The following TMEM107 variants were observed in gnomAD, a reference collection of about 807,000 sequenced individuals.
The protein encoded by TMEM107 is transmembrane protein 107.
TMEM107 carries 18 observed loss-of-function variants against 16.8 expected under a neutral mutation model. The observed-to-expected ratio is 1.07, with a 90% CI of 0.74 to 1.59. TMEM107 has a LOEUF of 1.59. Among genes scored for constraint, TMEM107 ranks in the 40% most tolerant of loss-of-function variants. The probability of loss-of-function intolerance (pLI) is 0.00; values close to 1 mark genes in which losing one functional copy is unlikely to be tolerated. For synonymous variants in TMEM107, 68 were observed against 71.6 expected (o/e 0.95, Z 0.25); for missense variants, 152 against 175.4 (o/e 0.87, Z 0.75).
rs370687535 is a variant in TMEM107 at position 8,172,700 on chromosome 17, AAAC to A, written c.*1500_*1502del. Among the ~76,000 whole-genome samples, 138 of 151,752 alleles carry A rather than the reference AAAC, an allele frequency of 9.1e-4. No individual in the cohort carries two copies. Among genetic ancestry groups the A allele is most frequent in the African/African-American group, 3.1e-3 (128 of 41,362 alleles). On this transcript the variant is annotated 3_prime_UTR_variant, in exon 5 of 5. Transcript: ENST00000437139. ...ACCCTGTCTCTATAGAAAAATTTTA[AAAC>A]AACCAGGTGTGGTGGTGCTCACCTG...
At chr17:8,175,242 T>G (rs1296054216) in intron 3 of TMEM107, 2 of 209,988 alleles carry the variant, frequency 9.5e-6, no homozygotes, top group East Asian at 2.4e-4. Flanking sequence ...ATTTTTGTAT[T>G]TTTAGTAGAG....
rs1555525283 is a variant in TMEM107, at chr17:8,172,869, A to AC, written c.*1333_*1334insG. 2.5e-4 allele frequency among the ~76,000 whole-genome samples: 37 copies of AC among 148,388 alleles called. 2 individuals are homozygous for AC. The highest frequency in any genetic ancestry group is 7.4e-4 in the African/African-American group (30 of 40,662). ...TGAGACTGTCTCAAAAAAAAAAAAA[A>AC]AAAAAACCAAAAGAGGGGGGTGGTC... is the stretch of plus-strand genomic sequence containing the variant. On this transcript the variant is annotated 3_prime_UTR_variant, in exon 5 of 5. Transcript: ENST00000437139.
Position 8,173,187 on chromosome 17 carries a change from C to T in TMEM107, c.*1016G>A, listed in dbSNP as rs550443861. 494 of 374,546 alleles carry T rather than the reference C, an allele frequency of 1.3e-3. 8 individuals are homozygous for T. Among genetic ancestry groups the T allele is most frequent in the South Asian group, 6.4e-3 (210 of 32,838 alleles). 23.2% of individuals were successfully genotyped at this position (374,546 alleles called of 1,614,324 possible). A position where few individuals can be genotyped will look rare whatever the true frequency, so the allele number is the denominator to read the frequency against. The stretch of plus-strand genomic sequence containing the variant: ...AGATATTTACTGATGTGCAATGTTT[C>T]CTGAGAAGTGAGGATTAAAGTTATC... On this transcript the variant is annotated 3_prime_UTR_variant, in exon 5 of 5. Transcript: ENST00000437139.
At chr17:8,174,691 G>C in intron 3 of TMEM107, 75 bp from the exon 4 acceptor site, 1 of 1,265,162 alleles carries the variant, frequency 7.9e-7, no homozygotes, top group Non-Finnish European at 1.2e-6. Flanking sequence ...CAGTGGTGGG[G>C]CTGGCATCTG....
chr17:8,173,530 A>ATCATGTTC lies in TMEM107; in HGVS notation c.*665_*672dup. ...AATCACGTTTCATGCATCTCCAATC[A>ATCATGTTC]TCATGTTCTAATCTGCCCTCCGGAG... On this transcript the variant is annotated 3_prime_UTR_variant, in exon 5 of 5. Transcript: ENST00000437139. 1 of 765,454 alleles carries ATCATGTTC rather than the reference A, an allele frequency of 1.3e-6. No homozygotes were observed. Among genetic ancestry groups the ATCATGTTC allele is most frequent in the Admixed American group, 1.7e-5 (1 of 59,032 alleles). The allele number at this position is 765,454 out of a possible 1,614,324, so 47.4% of individuals were successfully genotyped here. A position where few individuals can be genotyped will look rare whatever the true frequency, so the allele number is the denominator to read the frequency against.
chr17:8,173,445 T>C lies in TMEM107; in HGVS notation c.*758A>G, dbSNP rs768656137. On this transcript the variant is annotated 3_prime_UTR_variant, in exon 5 of 5. Transcript: ENST00000437139. ...AGCATAACACAAATGTAAGTGATCG[T>C]CAGAAAGAATCAGACAGGAGCAATC... 47 of 761,930 alleles carry C rather than the reference T, an allele frequency of 6.2e-5. No homozygotes were observed. Among genetic ancestry groups the C allele is most frequent in the Non-Finnish European group, 8.9e-5 (37 of 416,632 alleles). The allele number at this position is 761,930 out of a possible 1,614,324, so 47.2% of individuals were successfully genotyped here.
Position 8,173,739 on chromosome 17 carries a change from T to G in TMEM107, c.*464A>C. On this transcript the variant is annotated 3_prime_UTR_variant, in exon 5 of 5. Coordinates refer to ENST00000437139, the MANE Select transcript of TMEM107 (RefSeq NM_183065.4). ...GCTCGCACATTTTTTTAAATTTTTT[T>G]TTCATTCGGCTGCCGAAAAGGAATA... 1 of 558,988 alleles carries G rather than the reference T, an allele frequency of 1.8e-6. No individual in the cohort carries two copies. Among genetic ancestry groups the G allele is most frequent in the Non-Finnish European group, 3.2e-6 (1 of 314,666 alleles). The allele number at this position is 558,988 out of a possible 1,614,324, so 34.6% of individuals were successfully genotyped here.
intron 1 of TMEM107, 36 bp downstream of exon 1, chr17:8,176,164 G>T (rs758747734): frequency 1.9e-5 from 31 of 1,606,462 alleles, no homozygotes; most frequent in Non-Finnish European, 2.6e-5. Context: ...TCAGAGATGG[G>T]AATGGGGACG....
Position 8,173,389 on chromosome 17 carries a change from T to C in TMEM107, c.*814A>G, listed in dbSNP as rs1274787842. The C allele has an allele frequency of 2.9e-5, 20 of 700,554 alleles. No homozygotes were observed. The highest frequency in any genetic ancestry group is 1.2e-4 in the South Asian group (8 of 66,034). The allele number at this position is 700,554 out of a possible 1,614,324, so 43.4% of individuals were successfully genotyped here. Reference sequence around the variant, plus strand: ...CAGCAAGGTTATCCCAGTCAGAACTTCATAGCTATGTTTGTGGATATCTGC... The same window carrying C: ...CAGCAAGGTTATCCCAGTCAGAACTCCATAGCTATGTTTGTGGATATCTGC... On this transcript the variant is annotated 3_prime_UTR_variant, in exon 5 of 5. Transcript: ENST00000437139.
chr17:8,174,853 G>C (rs75716195), intron 3 of TMEM107: 8,124 of 528,828 alleles, frequency 0.015, 101 homozygotes, highest in Middle Eastern at 0.04. Context: ...CTGTGGGCCA[G>C]CCTGGATCCT....
chr17:8,175,765 C>T lies in TMEM107; in HGVS notation c.248G>A (p.Ser83Asn). Reference sequence around the variant, plus strand: ...GCAGGCAGAAAGGATACAGATGAGGCTCTGGGTGCTGTTGAACATGGAGAC... The same window carrying T: ...GCAGGCAGAAAGGATACAGATGAGGTTCTGGGTGCTGTTGAACATGGAGAC... Reference protein sequence around the residue: ...SGVSMFNSTQSLISIGAHCSA... With the variant: ...SGVSMFNSTQNLISIGAHCSA... The change falls in exon 3 of 5, where the codon AGC becomes AAC. Residue 83 changes from serine to asparagine, a missense_variant. Physicochemically the swap from Ser to Asn is conservative, Grantham distance 46 (BLOSUM62 1). Coordinates refer to ENST00000437139, the MANE Select transcript of TMEM107 (RefSeq NM_183065.4). 1 of 1,613,886 alleles carries T rather than the reference C, an allele frequency of 6.2e-7. No individual in the cohort carries two copies. The highest frequency in any genetic ancestry group is 8.5e-7 in the Non-Finnish European group (1 of 1,179,886).
Position 8,174,246 on chromosome 17 carries a change from G to C in TMEM107, c.380C>G (p.Ala127Gly), listed in dbSNP as rs1983944182. Residue 127 changes from alanine (A) to glycine (G), a missense_variant, in exon 5 of 5, where the codon GCT (alanine) becomes GGT (glycine). By Grantham distance (60) the Ala-to-Gly change is moderately conservative. Coordinates refer to ENST00000437139, the MANE Select transcript of TMEM107 (RefSeq NM_183065.4). The part of the protein sequence containing the change: ...CSALPAVTEM[A>G]LFVTVFGLKK... ...CAGCCCAAAGACGGTGACGAATAAAGCCATTTCAGTGACAGCTGGAAGGGC... is the reference window on the plus strand; with the variant it reads ...CAGCCCAAAGACGGTGACGAATAAACCCATTTCAGTGACAGCTGGAAGGGC... The C allele has an allele frequency of 6.2e-7, 1 of 1,614,062 alleles. No homozygotes were observed. Among genetic ancestry groups the C allele is most frequent in the Admixed American group, 1.7e-5 (1 of 59,992 alleles).
At position 8,173,276 on chromosome 17, in the gene TMEM107, A is replaced by C; in HGVS notation, c.*927T>G. ...CTGCCTAAATTCCAGAAAGCAACAAAAACCAAATCACAATTTTCAAGAACA... is the reference window on the plus strand; with the variant it reads ...CTGCCTAAATTCCAGAAAGCAACAACAACCAAATCACAATTTTCAAGAACA... On this transcript the variant is annotated 3_prime_UTR_variant, in exon 5 of 5. Transcript: ENST00000437139. 1.9e-6 allele frequency: 1 copy of C among 530,942 alleles called. No individual in the cohort carries two copies. 32.9% of individuals were successfully genotyped at this position (530,942 alleles called of 1,614,324 possible).
chr17:8,175,728 T>C (rs774355903), intron 3 of TMEM107, 29 bp downstream of exon 3: 6 of 1,586,396 alleles, frequency 3.8e-6, no homozygotes, highest in Non-Finnish European at 5.2e-6. Context: ...GTGGGTCGTG[T>C]GGGAAAGGTG....
intron 3 of TMEM107, chr17:8,174,841 A>G: frequency 1.8e-6 from 1 of 546,272 alleles, no homozygotes; most frequent in Non-Finnish European, 3.3e-6. Flanking sequence ...CCTACCCCTT[A>G]TCTGTGGGCC....
Position 8,174,411 on chromosome 17 carries a change from G to C in TMEM107, c.353+109C>G, listed in dbSNP as rs369683380. On this transcript the variant is annotated intron_variant, in intron 4 of 4. Transcript: ENST00000437139. ...AAACTTTAAAAGCCTACAGGATGTT[G>C]AGTGGATCTGGTATCTCACACATGG... 1.4e-5 allele frequency: 18 copies of C among 1,315,074 alleles called. No homozygotes were observed. The African/African-American group carries it at 1.8e-4, about 13-fold the overall frequency. 81.5% of individuals were successfully genotyped at this position (1,315,074 alleles called of 1,614,324 possible).
intron 4 of TMEM107, 55 bp downstream of exon 4, chr17:8,174,465 T>A: frequency 6.4e-7 from 1 of 1,559,260 alleles, no homozygotes; most frequent in Non-Finnish European, 8.8e-7. Context: ...GGAAAAACCT[T>A]CAGGTTTAGG....
rs1386392631 is a variant in TMEM107, at chr17:8,173,246, T to C, written c.*957A>G. 1.2e-5 allele frequency: 6 copies of C among 505,148 alleles called. No homozygotes were observed. Among genetic ancestry groups the C allele is most frequent in the South Asian group, 2.6e-5 (1 of 38,832 alleles). 31.3% of individuals were successfully genotyped at this position (505,148 alleles called of 1,614,324 possible). On this transcript the variant is annotated 3_prime_UTR_variant, in exon 5 of 5. Coordinates refer to ENST00000437139, the MANE Select transcript of TMEM107 (RefSeq NM_183065.4). ...AAAAACAAAGAGCCCATTTGTATTATTTCACTGCCTAAATTCCAGAAAGCA... is the reference window on the plus strand; with the variant it reads ...AAAAACAAAGAGCCCATTTGTATTACTTCACTGCCTAAATTCCAGAAAGCA...
rs769037861 is a variant in TMEM107, at chr17:8,173,524, C to T, written c.*679G>A. ...GACGTTAATCACGTTTCATGCATCT[C>T]CAATCATCATGTTCTAATCTGCCCT... On this transcript the variant is annotated 3_prime_UTR_variant, in exon 5 of 5. Transcript: ENST00000437139. 4.6e-5 allele frequency: 35 copies of T among 765,260 alleles called. No individual in the cohort carries two copies. Among genetic ancestry groups the T allele is most frequent in the South Asian group, 1.2e-4 (9 of 74,614 alleles). The allele number at this position is 765,260 out of a possible 1,614,324, so 47.4% of individuals were successfully genotyped here. A position where few individuals can be genotyped will look rare whatever the true frequency, so the allele number is the denominator to read the frequency against.
Sources: gnomAD v4.1 joint callset for allele counts (sites outside exome capture counted in the v4.1 genomes callset) on GRCh38, gnomAD v4.1.1 for gene constraint, MANE v1.5 for transcripts, NCBI Gene and HGNC (gene_info 2026-07-23, HGNC 2026-07-21) for gene names.